The following PTPRN2 variants were observed in gnomAD, a reference collection of about 807,000 sequenced individuals.
PTPRN2 encodes receptor-type tyrosine-protein phosphatase N2.
Under a neutral mutation model 118.8 loss-of-function variants are expected in PTPRN2, and 74 were observed. That is an observed-to-expected ratio of 0.62 (90% CI 0.52 to 0.76). The LOEUF is 0.76. PTPRN2 is among the 30% of genes least tolerant of loss of function. The pLI is 0.00. For missense variants in PTPRN2, 1,481 were observed against 1,394.4 expected (o/e 1.06, Z -0.99); for synonymous variants, 641 against 608.0 (o/e 1.05, Z -0.80).
intron 21 of PTPRN2, among the ~76,000 whole-genome samples, chr7:157,565,077 C>T (rs555506313): frequency 1.3e-5 from 2 of 152,380 alleles, no homozygotes; most frequent in South Asian, 4.1e-4. Context: ...CGGTATCACT[C>T]CACTTAGATG....
intron 2 of PTPRN2, among the ~76,000 whole-genome samples, chr7:158,409,323 G>GGAGCAGGCAGTGAGCAGGCTGGGGAGGT (rs1813840105): frequency 6.6e-6 from 1 of 152,218 alleles, no homozygotes; most frequent in Non-Finnish European, 1.5e-5. Flanking sequence ...GATGTGTGCA[G>GGAGCAGGCAGTGAGCAGGCTGGGGAGGT]GAGCAGGCAG....
chr7:158,223,087 C>G (rs1313884961), intron 3 of PTPRN2, among the ~76,000 whole-genome samples: 1 of 152,068 alleles, frequency 6.6e-6, no homozygotes, highest in African/African-American at 2.4e-5. Flanking sequence ...TGAAATGGAT[C>G]GACTCCTTGA....
Position 157,613,562 on chromosome 7 carries a change from C to A in PTPRN2, c.2344+7800G>T, listed in dbSNP as rs552985625. Reference sequence around the variant, plus strand: ...TCAGAAGCCGGCAGGGCGGGCTCCTCGCTGAGCCGCAGGGCGAGCCCGGCT... The same window carrying A: ...TCAGAAGCCGGCAGGGCGGGCTCCTAGCTGAGCCGCAGGGCGAGCCCGGCT... On this transcript the variant is annotated intron_variant, in intron 15 of 22. Coordinates refer to ENST00000389418, the MANE Select transcript of PTPRN2 (RefSeq NM_002847.5). Among the ~76,000 whole-genome samples the A allele has an allele frequency of 1.0e-3, 154 of 152,320 alleles. 1 individual carries two copies. The highest frequency in any genetic ancestry group is 3.5e-3 in the African/African-American group (145 of 41,588).
chr7:158,418,912 GACTC>G (rs1424284271), intron 2 of PTPRN2, among the ~76,000 whole-genome samples: 3 of 152,246 alleles, frequency 2.0e-5, no homozygotes, highest in South Asian at 2.1e-4. Context: ...ATCATTGTCA[GACTC>G]ACTGTTTTCA....
chr7:157,813,264 C>A lies in PTPRN2; in HGVS notation c.1788+85409G>T, dbSNP rs567905079. Among the ~76,000 whole-genome samples the A allele has an allele frequency of 6.6e-6, 1 of 152,144 alleles. No homozygotes were observed. The highest frequency in any genetic ancestry group is 1.5e-5 in the Non-Finnish European group (1 of 68,040). On this transcript the variant is annotated intron_variant, in intron 12 of 22. Transcript: ENST00000389418. The surrounding 1 kb of genome is among the most constrained non-coding windows in gnomAD (Gnocchi z 4.7). ...CAGTGGTAAGCCCAGACCTTTGGGA[C>A]CCCTCACCCTGCCCGGTCCTCCTGC...
At chr7:157,594,122 G>A (rs1468754129) in intron 17 of PTPRN2, among the ~76,000 whole-genome samples, 1 of 152,214 alleles carries the variant, frequency 6.6e-6, no homozygotes, top group Non-Finnish European at 1.5e-5. Context: ...CACCATGCAA[G>A]GGTGCTCGGA....
At chr7:158,020,592 A>G (rs1806800719) in intron 11 of PTPRN2, among the ~76,000 whole-genome samples, 1 of 152,192 alleles carries the variant, frequency 6.6e-6, no homozygotes, top group South Asian at 2.1e-4. Flanking sequence ...GGACAGAAGC[A>G]GTCAGGGGCT....
chr7:158,081,508 C>T (rs1300378921), intron 10 of PTPRN2, 131 bp from the exon 11 acceptor site: 10 of 790,012 alleles, frequency 1.3e-5, no homozygotes, highest in Admixed American at 8.2e-5. Context: ...CTCCAGGCGT[C>T]GACTCCACTG....
chr7:158,451,867 C>T (rs1482255044), intron 2 of PTPRN2, among the ~76,000 whole-genome samples: 3 of 152,126 alleles, frequency 2.0e-5, no homozygotes, highest in African/African-American at 7.2e-5. Flanking sequence ...ATTAAAAATT[C>T]CCCCACGTTT....
intron 1 of PTPRN2, among the ~76,000 whole-genome samples, chr7:158,498,005 C>G (rs1020997225): frequency 6.6e-6 from 1 of 152,252 alleles, no homozygotes; most frequent in African/African-American, 2.4e-5. Flanking sequence ...TCAGGCCCCT[C>G]CAATTCACCT....
At position 157,547,926 on chromosome 7, in the gene PTPRN2, C is replaced by A. The variant is rs572400934; in HGVS notation, c.2976+1020G>T. Among the ~76,000 whole-genome samples the A allele has an allele frequency of 2.6e-5, 4 of 151,414 alleles. No homozygotes were observed. In the East Asian group the frequency reaches 7.7e-4, roughly 29 times the overall value. On this transcript the variant is annotated intron_variant, in intron 22 of 22. Transcript: ENST00000389418. Reference sequence around the variant, plus strand: ...GCGTGGCCGCCCTGGGCGTGTCCTGCTCCAGGGGAAGCTCCCTGGGGGGGC... The same window carrying A: ...GCGTGGCCGCCCTGGGCGTGTCCTGATCCAGGGGAAGCTCCCTGGGGGGGC...
chr7:158,331,787 C>A (rs1181710686), intron 2 of PTPRN2, among the ~76,000 whole-genome samples: 1 of 151,054 alleles, frequency 6.6e-6, no homozygotes, highest in Admixed American at 6.6e-5. Flanking sequence ...CTGTCACGCA[C>A]AGACATCACT....
chr7:158,131,019 C>T (rs1818190679), intron 9 of PTPRN2, among the ~76,000 whole-genome samples: 1 of 149,698 alleles, frequency 6.7e-6, no homozygotes, highest in African/African-American at 2.5e-5. Context: ...CTGACATACT[C>T]ATATACACAC....
At chr7:157,549,459 C>T (rs1377236796) in intron 21 of PTPRN2, among the ~76,000 whole-genome samples, 2 of 151,666 alleles carry the variant, frequency 1.3e-5, no homozygotes, top group African/African-American at 2.4e-5. Flanking sequence ...TTAATGGACT[C>T]AACCTTAATA....
At position 158,584,408 on chromosome 7, in the gene PTPRN2, C is replaced by T. The variant is rs151182924; in HGVS notation, c.112+3150G>A. ...AAATCACAGAGAAAGGCGGGCCGGT[C>T]GGGAGGAAAACTCAAAGACTGAAGC... is the stretch of plus-strand genomic sequence containing the variant. On this transcript the variant is annotated intron_variant, in intron 1 of 22. Transcript: ENST00000389418. 2.6e-5 allele frequency among the ~76,000 whole-genome samples: 4 copies of T among 152,188 alleles called. No homozygotes were observed. The East Asian group carries it at 7.7e-4, about 29-fold the overall frequency.
Position 157,603,894 on chromosome 7 carries a change from C to T in PTPRN2, c.2418+108G>A. 1.9e-6 allele frequency: 2 copies of T among 1,067,824 alleles called. No individual in the cohort carries two copies. Among genetic ancestry groups the T allele is most frequent in the South Asian group, 2.9e-5 (2 of 68,908 alleles). The allele number at this position is 1,067,824 out of a possible 1,614,324, so 66.1% of individuals were successfully genotyped here. A position where few individuals can be genotyped will look rare whatever the true frequency, so the allele number is the denominator to read the frequency against. On this transcript the variant is annotated intron_variant, in intron 16 of 22. Transcript: ENST00000389418. This position sits in a 1 kb window ranked among gnomAD's most constrained non-coding sequence, Gnocchi z 5.4. ...GTCGGCCCTGTCCACCGCAGAGACG[C>T]TGAGCTGGGTGGGGACGTGATTTCC...
At chr7:158,154,424 G>C (rs182056644) in intron 6 of PTPRN2, among the ~76,000 whole-genome samples, 10 of 152,210 alleles carry the variant, frequency 6.6e-5, no homozygotes, top group African/African-American at 2.4e-4. Context: ...AGGAAGTTGT[G>C]TCCCCTCTTC....
Position 158,171,228 on chromosome 7 carries a change from CACATAT to C in PTPRN2, c.550-3943_550-3938del, listed in dbSNP as rs1277275551. On this transcript the variant is annotated intron_variant, in intron 5 of 22. Transcript: ENST00000389418. Reference sequence around the variant, plus strand: ...CACTATATATACACACATATATACACACATATATATACACATATATACACACATATA... The same window carrying C: ...CACTATATATACACACATATATACACATATACACATATATACACACATATA... 6.1e-3 allele frequency among the ~76,000 whole-genome samples: 831 copies of C among 135,450 alleles called. 22 individuals carry two copies. Among genetic ancestry groups the C allele is most frequent in the African/African-American group, 0.024 (797 of 33,066 alleles). The allele number at this position is 135,450 out of a possible 152,430, so 88.9% of individuals were successfully genotyped here.
intron 17 of PTPRN2, among the ~76,000 whole-genome samples, chr7:157,593,237 G>T (rs1362966675): frequency 6.6e-6 from 1 of 150,470 alleles, no homozygotes; most frequent in Non-Finnish European, 1.5e-5. Context: ...GGTGGATGTG[G>T]GCATCATCAT....
Sources: allele counts gnomAD v4.1 joint callset (sites outside exome capture counted in the v4.1 genomes callset), GRCh38; gene constraint gnomAD v4.1.1; non-coding constraint Gnocchi (gnomAD v3.1); transcripts MANE v1.5; gene names NCBI Gene and HGNC (gene_info 2026-07-23, HGNC 2026-07-21).